The following NTM variants were observed in gnomAD, a reference collection of about 807,000 sequenced individuals.
NTM encodes the protein IgLON family member 2.
NTM carries 13 observed loss-of-function variants against 42.1 expected under a neutral mutation model. The ratio of observed to expected loss-of-function variants is 0.31; its 90% CI spans 0.20 to 0.49. NTM has a LOEUF of 0.49. NTM is among the 20% of genes least tolerant of loss of function. NTM has a pLI of 0.99. For missense variants in NTM, 373 were observed against 452.8 expected, an observed-to-expected ratio of 0.82 and a Z score of 1.60; for synonymous variants, 187 against 179.2, an observed-to-expected ratio of 1.04 and a Z score of -0.35.
intron 2 of NTM, among the ~76,000 whole-genome samples, chr11:132,088,322 G>T (rs907522901): frequency 5.9e-5 from 9 of 152,092 alleles, no homozygotes; most frequent in African/African-American, 1.7e-4. Flanking sequence ...GAAAGGGAAA[G>T]ATATTTTTGG....
intron 1 of NTM, among the ~76,000 whole-genome samples, chr11:131,755,748 T>G (rs549242469): frequency 6.6e-6 from 1 of 152,374 alleles, no homozygotes; most frequent in Admixed American, 6.5e-5. Context: ...AGCAACACTC[T>G]ATAGTGAAAG....
chr11:132,330,698 A>G (rs986862479), intron 8 of NTM, among the ~76,000 whole-genome samples: 1 of 152,228 alleles, frequency 6.6e-6, no homozygotes, highest in African/African-American at 2.4e-5. Flanking sequence ...CATTCCTGCC[A>G]GATGTTTCCG....
At chr11:131,849,878 G>A (rs1016735721) in intron 1 of NTM, among the ~76,000 whole-genome samples, 1 of 150,868 alleles carries the variant, frequency 6.6e-6, no homozygotes, top group Non-Finnish European at 1.5e-5. Flanking sequence ...GCTAAATGAC[G>A]AGTTAATGGG....
chr11:132,151,287 A>G (rs1418525235), intron 3 of NTM, among the ~76,000 whole-genome samples: 1 of 152,242 alleles, frequency 6.6e-6, no homozygotes, highest in African/African-American at 2.4e-5. Flanking sequence ...AGTTAAGGAC[A>G]GCTTGAGAAG....
At chr11:131,788,095 C>A (rs966552937) in intron 1 of NTM, among the ~76,000 whole-genome samples, 1 of 152,100 alleles carries the variant, frequency 6.6e-6, no homozygotes, top group Non-Finnish European at 1.5e-5. Flanking sequence ...ATTTCCTCCC[C>A]TGCTCTTTTT....
intron 1 of NTM, among the ~76,000 whole-genome samples, chr11:131,562,415 G>A (rs1318667938): frequency 2.0e-5 from 3 of 152,188 alleles, no homozygotes; most frequent in Non-Finnish European, 2.9e-5. Flanking sequence ...CCCAAGACGG[G>A]AAGGTGGGGA....
intron 4 of NTM, among the ~76,000 whole-genome samples, chr11:132,277,792 T>C (rs1394239224): frequency 6.6e-6 from 1 of 152,086 alleles, no homozygotes; most frequent in Non-Finnish European, 1.5e-5. Context: ...TTGGTAATTG[T>C]AAAAGCTTGG....
At chr11:131,687,475 C>A (rs945865776) in intron 1 of NTM, among the ~76,000 whole-genome samples, 1 of 152,212 alleles carries the variant, frequency 6.6e-6, no homozygotes, top group Admixed American at 6.5e-5. Context: ...GCTCCTCAGA[C>A]CATCACCGGC....
intron 1 of NTM, among the ~76,000 whole-genome samples, chr11:131,789,639 G>GAAGAAAGAAGAAGAAGAAGAAGAA: frequency 9.1e-6 from 1 of 109,682 alleles, no homozygotes; most frequent in Non-Finnish European, 1.8e-5. Flanking sequence ...AAGAAGAAAA[G>GAAGAAAGAAGAAGAAGAAGAAGAA]AAGAAGAAGA....
chr11:131,829,108 T>C (rs1056474839), intron 1 of NTM, among the ~76,000 whole-genome samples: 3 of 151,998 alleles, frequency 2.0e-5, no homozygotes, highest in Admixed American at 6.6e-5. Context: ...GACCCAGTAA[T>C]GAGAACTTCC....
rs960392147 is a variant in NTM, at chr11:132,314,799, G to A, written c.934+96G>A. 7.6e-6 allele frequency: 11 copies of A among 1,445,914 alleles called. No individual in the cohort carries two copies. In the East Asian group the frequency reaches 2.2e-4, roughly 29 times the overall value. The allele number at this position is 1,445,914 out of a possible 1,614,324, so 89.6% of individuals were successfully genotyped here. A position where few individuals can be genotyped will look rare whatever the true frequency, so the allele number is the denominator to read the frequency against. On this transcript the variant is annotated intron_variant, in intron 7 of 8. Coordinates refer to ENST00000683400, the MANE Select transcript of NTM (RefSeq NM_001352005.2). ...CCCTCAAGGCCAGGGTCAGAGGTTAGCAGGGTATCAGTGGACATGGAGAGG... is the reference window on the plus strand; with the variant it reads ...CCCTCAAGGCCAGGGTCAGAGGTTAACAGGGTATCAGTGGACATGGAGAGG...
At chr11:131,771,168 T>G (rs2086028089) in intron 1 of NTM, 1 of 152,220 alleles carries the variant, frequency 6.6e-6, no homozygotes, top group South Asian at 2.1e-4. Context: ...CATGGCATCT[T>G]GGAAATTCTC....
chr11:132,052,294 C>G (rs2027781), intron 2 of NTM, among the ~76,000 whole-genome samples: 16,972 of 152,110 alleles, frequency 0.11, 1,000 homozygotes, highest in Middle Eastern at 0.21. Context: ...TTTTTCCCTT[C>G]CTCCTTTTTA....
At chr11:132,275,139 A>G (rs1277733522) in intron 4 of NTM, among the ~76,000 whole-genome samples, 1 of 152,144 alleles carries the variant, frequency 6.6e-6, no homozygotes, top group African/African-American at 2.4e-5. Flanking sequence ...AAGATGTTCT[A>G]CGTTCTCTTC....
In NTM at chr11:132,336,548, G is replaced by C. The variant is rs2095873684; in HGVS notation, c.*1402G>C. The C allele has an allele frequency of 6.6e-6, 1 of 152,662 alleles. No individual in the cohort carries two copies. The highest frequency in any genetic ancestry group is 2.4e-5 in the African/African-American group (1 of 41,450). The allele number at this position is 152,662 out of a possible 1,614,324, so 9.5% of individuals were successfully genotyped here. On this transcript the variant is annotated 3_prime_UTR_variant, in exon 9 of 9. Transcript: ENST00000683400. ...GTACCGTCAGTACCCACTTGCTTTA[G>C]CCCATTATGGGAATCTCTGATGCCT... is the stretch of plus-strand genomic sequence containing the variant.
At chr11:131,656,995 G>A (rs2067272113) in intron 1 of NTM, among the ~76,000 whole-genome samples, 1 of 152,004 alleles carries the variant, frequency 6.6e-6, no homozygotes. Context: ...AGTGTCCCTG[G>A]CTCTGGAACT....
intron 1 of NTM, among the ~76,000 whole-genome samples, chr11:131,572,528 G>A (rs181217913): frequency 5.9e-4 from 90 of 152,186 alleles, no homozygotes; most frequent in African/African-American, 2.1e-3. Context: ...GACCTTTGGT[G>A]TGACAAATTT....
At chr11:131,497,390 T>C (rs1257831725) in intron 1 of NTM, among the ~76,000 whole-genome samples, 4 of 151,922 alleles carry the variant, frequency 2.6e-5, no homozygotes, top group Non-Finnish European at 4.4e-5. Context: ...GGTTTCACCA[T>C]GTTGCCCAGG....
chr11:132,125,097 C>G (rs1161680291), intron 2 of NTM, among the ~76,000 whole-genome samples: 1 of 152,128 alleles, frequency 6.6e-6, no homozygotes, highest in Non-Finnish European at 1.5e-5. Context: ...TCACACTGCC[C>G]GCATATCTGT....
Sources: gnomAD v4.1 joint callset for allele counts (sites outside exome capture counted in the v4.1 genomes callset) on GRCh38, gnomAD v4.1.1 for gene constraint, MANE v1.5 for transcripts, NCBI Gene and HGNC (gene_info 2026-07-23, HGNC 2026-07-21) for gene names.